Variants in VRK1 observed in about 807,000 individuals in gnomAD.
The protein encoded by VRK1 is serine/threonine-protein kinase VRK1.
In VRK1, 33 loss-of-function variants were observed where a neutral mutation model predicts 57.1. The observed-to-expected ratio is 0.58, with a 90% CI of 0.44 to 0.77. The LOEUF (loss-of-function observed/expected upper bound fraction) is 0.77, where lower values mean the gene tolerates loss of function less well. Among genes scored for constraint, VRK1 ranks in the 30% least tolerant of loss-of-function variants. The pLI is 0.00. For synonymous variants in VRK1, 137 were observed against 147.8 expected (o/e 0.93, Z 0.53); for missense variants, 413 against 477.3 (o/e 0.87, Z 1.25).
intron 12 of VRK1, among the ~76,000 whole-genome samples, chr14:96,880,062 A>G (rs1889196788): frequency 6.6e-6 from 1 of 152,204 alleles, no homozygotes; most frequent in African/African-American, 2.4e-5. Flanking sequence ...CAATCATAGT[A>G]CAGTATATAG....
chr14:96,871,390 T>TA (rs1172570379), intron 11 of VRK1, among the ~76,000 whole-genome samples: 2 of 140,570 alleles, frequency 1.4e-5, no homozygotes, highest in African/African-American at 2.5e-5. Context: ...GACTGTGATG[T>TA]AATGTGTGTG....
Position 96,860,698 on chromosome 14 carries a change from T to C in VRK1, c.1031T>C (p.Val344Ala). ...KDDGKLDLSVVENGGLKAKTI... is the reference protein window; with the variant it reads ...KDDGKLDLSVAENGGLKAKTI... Reference sequence around the variant, plus strand: ...GATGGCAAATTGGACCTCAGTGTTGTGGAGAATGGAGGTTTGAAAGCAAAA... The same window carrying C: ...GATGGCAAATTGGACCTCAGTGTTGCGGAGAATGGAGGTTTGAAAGCAAAA... Residue 344 changes from valine to alanine, a missense_variant, in exon 11 of 13, where the codon GTG becomes GCG. Transcript: ENST00000216639. The C allele has an allele frequency of 1.2e-6, 2 of 1,613,242 alleles. No individual in the cohort carries two copies. Among genetic ancestry groups the C allele is most frequent in the Non-Finnish European group, 1.7e-6 (2 of 1,179,456 alleles).
chr14:96,800,706 A>G (rs1260010839), intron 1 of VRK1, among the ~76,000 whole-genome samples: 2 of 152,134 alleles, frequency 1.3e-5, no homozygotes, highest in East Asian at 3.9e-4. Context: ...TTTCTTGCCC[A>G]TAGGATGGGA....
intron 12 of VRK1, chr14:96,877,802 C>G (rs1488925538): frequency 1.0e-5 from 5 of 488,450 alleles, no homozygotes; most frequent in African/African-American, 8.4e-5. Context: ...GCTTAATGAG[C>G]ATCAAGCGTT....
At chr14:96,858,266 T>A (rs967656490) in intron 10 of VRK1, among the ~76,000 whole-genome samples, 3 of 151,682 alleles carry the variant, frequency 2.0e-5, no homozygotes, top group African/African-American at 4.8e-5. Flanking sequence ...TAATTAAAAA[T>A]TTTTTTTTGT....
At chr14:96,838,501 G>A (rs981168275) in intron 3 of VRK1, among the ~76,000 whole-genome samples, 1 of 152,056 alleles carries the variant, frequency 6.6e-6, no homozygotes, top group Admixed American at 6.6e-5. Flanking sequence ...AATATGTTTT[G>A]GTTAAATAGA....
intron 10 of VRK1, among the ~76,000 whole-genome samples, chr14:96,859,731 A>C (rs1435540196): frequency 1.3e-5 from 2 of 152,158 alleles, no homozygotes; most frequent in African/African-American, 4.8e-5. Context: ...TTCAAGGGTG[A>C]CTAACTCAGA....
chr14:96,828,377 T>C (rs1886879913), intron 1 of VRK1, among the ~76,000 whole-genome samples: 1 of 152,210 alleles, frequency 6.6e-6, no homozygotes, highest in Admixed American at 6.5e-5. Flanking sequence ...TGTCAGACTT[T>C]TGCAGTTGAA....
At chr14:96,811,812 C>T (rs1404227299) in intron 1 of VRK1, among the ~76,000 whole-genome samples, 1 of 150,984 alleles carries the variant, frequency 6.6e-6, no homozygotes, top group Non-Finnish European at 1.5e-5. Context: ...TGAGATATAA[C>T]TTACATACCA....
At chr14:96,832,293 A>G (rs1887038261) in intron 1 of VRK1, among the ~76,000 whole-genome samples, 1 of 152,176 alleles carries the variant, frequency 6.6e-6, no homozygotes, top group African/African-American at 2.4e-5. Flanking sequence ...TTTCATCTGA[A>G]TAGCCATTTC....
At chr14:96,875,186 T>C (rs1442935866) in intron 11 of VRK1, among the ~76,000 whole-genome samples, 1 of 152,210 alleles carries the variant, frequency 6.6e-6, no homozygotes, top group East Asian at 1.9e-4. Flanking sequence ...ATTTTACCTA[T>C]GTATAGAGAT....
intron 1 of VRK1, among the ~76,000 whole-genome samples, chr14:96,827,487 T>G (rs937177820): frequency 2.0e-5 from 3 of 152,136 alleles, no homozygotes; most frequent in Non-Finnish European, 4.4e-5. Context: ...GGCAGCTTCT[T>G]GCTCCCACCA....
At position 96,805,844 on chromosome 14, in the gene VRK1, A is replaced by G. The variant is rs374260571; in HGVS notation, c.-6+8397A>G. On this transcript the variant is annotated intron_variant, in intron 1 of 12. Transcript: ENST00000216639. ...GCAACATCTCACATGTTTTTAAAGT[A>G]CCTGTTCTGTTTGATTTAACTTCCT... 2.3e-4 allele frequency among the ~76,000 whole-genome samples: 35 copies of G among 152,248 alleles called. No individual in the cohort carries two copies. In the South Asian group the frequency reaches 7.3e-3, roughly 32 times the overall value.
intron 12 of VRK1, among the ~76,000 whole-genome samples, chr14:96,878,496 C>G (rs953057808): frequency 2.0e-5 from 3 of 152,120 alleles, no homozygotes; most frequent in African/African-American, 7.2e-5. Context: ...ATTTTTCGCA[C>G]TGTGTGATCT....
intron 1 of VRK1, among the ~76,000 whole-genome samples, chr14:96,823,753 C>T (rs1454189741): frequency 2.0e-5 from 3 of 152,184 alleles, no homozygotes; most frequent in African/African-American, 7.2e-5. Context: ...ACTCTATATA[C>T]CACTAAACAA....
At chr14:96,820,649 A>C (rs138465524) in intron 1 of VRK1, among the ~76,000 whole-genome samples, 71 of 152,360 alleles carry the variant, frequency 4.7e-4, no homozygotes, top group African/African-American at 1.6e-3. Flanking sequence ...ACAGCAAACA[A>C]TAAGTCATTA....
At chr14:96,797,546 G>A (rs1238358677) in intron 1 of VRK1, 99 bp downstream of exon 1, 1 of 151,866 alleles carries the variant, frequency 6.6e-6, no homozygotes, top group Non-Finnish European at 1.5e-5. Context: ...GGCCTTCCGG[G>A]CGGCCTGTGG....
At chr14:96,826,687 A>G (rs764795693) in intron 1 of VRK1, among the ~76,000 whole-genome samples, 7 of 152,224 alleles carry the variant, frequency 4.6e-5, no homozygotes, top group Non-Finnish European at 8.8e-5. Flanking sequence ...TCATTATTAG[A>G]AGAAACCTAT....
At chr14:96,818,272 A>C in intron 1 of VRK1, among the ~76,000 whole-genome samples, 1 of 152,204 alleles carries the variant, frequency 6.6e-6, no homozygotes, top group Admixed American at 6.5e-5. Context: ...AAGGAATAAA[A>C]GTTGAGAAAG....
Sources: allele counts gnomAD v4.1 joint callset (sites outside exome capture counted in the v4.1 genomes callset), GRCh38; gene constraint gnomAD v4.1.1; transcripts MANE v1.5; gene names NCBI Gene and HGNC (gene_info 2026-07-23, HGNC 2026-07-21).